Variants in SNX29 observed in about 807,000 individuals in gnomAD.
SNX29 encodes sorting nexin 29.
Under a neutral mutation model 102.1 loss-of-function variants are expected in SNX29, and 78 were observed. The observed-to-expected ratio is 0.76, with a 90% CI of 0.64 to 0.92. SNX29 has a LOEUF of 0.92. Ranked by LOEUF, SNX29 falls within the 40% of genes least tolerant of loss-of-function variation. The pLI, the probability that SNX29 is intolerant of heterozygous loss-of-function variation, is 0.00. For missense variants in SNX29, 1,280 were observed against 1,061.7 expected (o/e 1.21, Z -2.86); for synonymous variants, 580 against 414.5 (o/e 1.40, Z -4.85).
chr16:12,047,056 T>A (rs115036079), intron 6 of SNX29, among the ~76,000 whole-genome samples: 2,256 of 152,328 alleles, frequency 0.015, 44 homozygotes, highest in African/African-American at 0.051. Context: ...GAATCCTGGC[T>A]TTACCCCTTG....
intron 15 of SNX29, among the ~76,000 whole-genome samples, chr16:12,322,137 T>C (rs1470878362): frequency 1.3e-5 from 2 of 152,134 alleles, no homozygotes; most frequent in Non-Finnish European, 2.9e-5. Flanking sequence ...ACCTGCAGGT[T>C]GAGAACAAAT....
At chr16:12,551,840 G>A (rs1269111093) in intron 20 of SNX29, among the ~76,000 whole-genome samples, 3 of 152,178 alleles carry the variant, frequency 2.0e-5, no homozygotes, top group African/African-American at 7.2e-5. Flanking sequence ...CTTAGCTGCT[G>A]CTGGGGACAC....
chr16:12,414,053 A>G (rs1194314937), intron 18 of SNX29, among the ~76,000 whole-genome samples: 1 of 152,260 alleles, frequency 6.6e-6, no homozygotes, highest in South Asian at 2.1e-4. Flanking sequence ...CAATGCAAAT[A>G]TCATGTAAAT....
chr16:12,237,193 C>T (rs969975499), intron 14 of SNX29, among the ~76,000 whole-genome samples: 1 of 152,124 alleles, frequency 6.6e-6, no homozygotes, highest in African/African-American at 2.4e-5. Flanking sequence ...GCTCTGTCCA[C>T]CCCCGACTCC....
At position 12,013,500 on chromosome 16, in the gene SNX29, A is replaced by AAAAAAAATAT; in HGVS notation, c.122+10458_122+10459insAAAAAATATA. ...GTCTCTACTGGGGGAAAAAAAAAAA[A>AAAAAAAATAT]ATATATATATATATATATATATATA... On this transcript the variant is annotated intron_variant, in intron 3 of 20. Transcript: ENST00000566228. Among the ~76,000 whole-genome samples the AAAAAAAATAT allele has an allele frequency of 2.1e-3, 67 of 31,610 alleles. 2 individuals are homozygous for AAAAAAAATAT. Among genetic ancestry groups the AAAAAAAATAT allele is most frequent in the Non-Finnish European group, 3.4e-3 (56 of 16,258 alleles). 20.7% of individuals were successfully genotyped at this position (31,610 alleles called of 152,430 possible).
intron 14 of SNX29, among the ~76,000 whole-genome samples, chr16:12,238,043 G>A (rs141110435): frequency 6.6e-6 from 1 of 152,326 alleles, no homozygotes; most frequent in South Asian, 2.1e-4. Context: ...TGGGTGTGGG[G>A]GTTGAGGTTG....
At chr16:12,079,455 T>C (rs1301504565) in intron 11 of SNX29, among the ~76,000 whole-genome samples, 1 of 152,134 alleles carries the variant, frequency 6.6e-6, no homozygotes, top group African/African-American at 2.4e-5. Flanking sequence ...ACTGGTGGCT[T>C]GAGCCAGCAT....
intron 18 of SNX29, among the ~76,000 whole-genome samples, chr16:12,412,981 A>G (rs1361477018): frequency 6.6e-6 from 1 of 152,194 alleles, no homozygotes; most frequent in Non-Finnish European, 1.5e-5. Context: ...GCCCAGAAGT[A>G]ACCCATCCGG....
intron 13 of SNX29, among the ~76,000 whole-genome samples, chr16:12,153,485 A>C (rs1222796283): frequency 1.3e-5 from 2 of 150,576 alleles, no homozygotes; most frequent in Non-Finnish European, 3.0e-5. Flanking sequence ...AAAAACAAAA[A>C]ACAAAAAACC....
In SNX29 at chr16:12,488,380, G is replaced by T. The variant is rs139369750; in HGVS notation, c.2178+10521G>T. On this transcript the variant is annotated intron_variant, in intron 19 of 20. Transcript: ENST00000566228. The stretch of plus-strand genomic sequence containing the variant: ...AAAAACATGAGCCGCCCTTCCCTGG[G>T]TTCATTTCTCATACTCCATCGCATC... 6.1e-4 allele frequency among the ~76,000 whole-genome samples: 93 copies of T among 152,082 alleles called. 1 individual carries two copies. The highest frequency in any genetic ancestry group is 2.2e-3 in the African/African-American group (90 of 41,468).
chr16:12,333,888 G>A (rs1428159598), intron 15 of SNX29, among the ~76,000 whole-genome samples: 2 of 152,186 alleles, frequency 1.3e-5, no homozygotes, highest in Admixed American at 1.3e-4. Context: ...AATGACAGGT[G>A]TGGCTGCCAG....
intron 13 of SNX29, among the ~76,000 whole-genome samples, chr16:12,189,789 C>A (rs1212960488): frequency 1.3e-5 from 2 of 151,892 alleles, no homozygotes; most frequent in Non-Finnish European, 1.5e-5. Context: ...CTCAGAGCGT[C>A]CGAGCATCAA....
chr16:12,563,897 T>C (rs569176485), intron 20 of SNX29, among the ~76,000 whole-genome samples: 1 of 152,240 alleles, frequency 6.6e-6, no homozygotes, highest in Non-Finnish European at 1.5e-5. Context: ...CTCTGCCGTC[T>C]CTGGAGCAGG....
intron 10 of SNX29, among the ~76,000 whole-genome samples, chr16:12,071,367 C>T (rs896702253): frequency 6.6e-6 from 1 of 152,202 alleles, no homozygotes; most frequent in African/African-American, 2.4e-5. Flanking sequence ...GGAAGGGATC[C>T]AGTTTCAGCT....
At chr16:12,099,217 A>G (rs1401806177) in intron 11 of SNX29, among the ~76,000 whole-genome samples, 1 of 152,150 alleles carries the variant, frequency 6.6e-6, no homozygotes, top group Non-Finnish European at 1.5e-5. Flanking sequence ...ACATTGGCTA[A>G]AATAAAGTAG....
chr16:12,394,720 C>T (rs985066785), intron 16 of SNX29, among the ~76,000 whole-genome samples: 1 of 152,214 alleles, frequency 6.6e-6, no homozygotes, highest in Non-Finnish European at 1.5e-5. Flanking sequence ...AAAGCCCGAG[C>T]ACCTGAAGGC....
chr16:12,483,114 G>GTTGT (rs2088029576), intron 19 of SNX29, among the ~76,000 whole-genome samples: 1 of 66,196 alleles, frequency 1.5e-5, no homozygotes, highest in East Asian at 4.2e-4. Context: ...AAGTTATTAA[G>GTTGT]TTTTTTTTTT....
chr16:12,440,429 G>A (rs780358489), intron 18 of SNX29, among the ~76,000 whole-genome samples: 12 of 152,090 alleles, frequency 7.9e-5, no homozygotes, highest in Admixed American at 6.5e-4. Context: ...GCCAGTAATC[G>A]ACTTTCTTTT....
Position 12,321,963 on chromosome 16 carries a change from A to T in SNX29, c.1783-34200A>T, listed in dbSNP as rs554394291. Among the ~76,000 whole-genome samples the T allele has an allele frequency of 5.3e-5, 8 of 152,224 alleles. No individual in the cohort carries two copies. The South Asian group carries it at 1.7e-3, about 32-fold the overall frequency. On this transcript the variant is annotated intron_variant, in intron 15 of 20. Coordinates refer to ENST00000566228, the MANE Select transcript of SNX29 (RefSeq NM_032167.5). Reference sequence around the variant, plus strand: ...CCGATTCTGGCTGACTCAAACATCAAAGCACCTGTCGTGGTTCACGTGATG... The same window carrying T: ...CCGATTCTGGCTGACTCAAACATCATAGCACCTGTCGTGGTTCACGTGATG...
Sources: gnomAD v4.1 joint callset for allele counts (sites outside exome capture counted in the v4.1 genomes callset) on GRCh38, gnomAD v4.1.1 for gene constraint, MANE v1.5 for transcripts, NCBI Gene and HGNC (gene_info 2026-07-23, HGNC 2026-07-21) for gene names.